The following KHDRBS2 variants were observed in gnomAD, a reference collection of about 807,000 sequenced individuals.
KHDRBS2 encodes the protein KH RNA binding domain containing, signal transduction associated 2, also known as KH domain-containing, RNA-binding, signal transduction-associated protein 2.
KHDRBS2 carries 26 observed loss-of-function variants against 44.3 expected under a neutral mutation model. The observed-to-expected ratio is 0.59, with a 90% CI of 0.43 to 0.81. The LOEUF (loss-of-function observed/expected upper bound fraction) is 0.81, where lower values mean the gene tolerates loss of function less well. KHDRBS2 is among the 40% of genes least tolerant of loss of function. The pLI is 0.00. For synonymous variants in KHDRBS2, 194 were observed against 151.1 expected (o/e 1.28, Z -2.08); for missense variants, 476 against 433.1 (o/e 1.10, Z -0.88).
At chr6:62,109,306 T>G (rs1036195063) in intron 2 of KHDRBS2, among the ~76,000 whole-genome samples, 3 of 151,968 alleles carry the variant, frequency 2.0e-5, no homozygotes, top group Non-Finnish European at 4.4e-5. Context: ...TCCTAATTTT[T>G]AAAAAAAGTA....
chr6:61,861,295 T>C (rs1796929514), intron 6 of KHDRBS2, among the ~76,000 whole-genome samples: 1 of 152,164 alleles, frequency 6.6e-6, no homozygotes, highest in African/African-American at 2.4e-5. Context: ...TGCCTGTGCC[T>C]GTGTCCTGAA....
chr6:61,653,839 T>C, the KHDRBS2 span, among the ~76,000 whole-genome samples: 2 of 151,946 alleles, frequency 1.3e-5, no homozygotes, highest in African/African-American at 4.8e-5. Context: ...AGGACGGGTA[T>C]ACAGAAAAAT....
the KHDRBS2 span, among the ~76,000 whole-genome samples, chr6:61,611,965 A>G: frequency 6.6e-6 from 1 of 152,214 alleles, no homozygotes; most frequent in Non-Finnish European, 1.5e-5. Context: ...AATTTAGCAC[A>G]TCAACCATAT....
intron 4 of KHDRBS2, among the ~76,000 whole-genome samples, chr6:61,976,012 G>T (rs763356986): frequency 6.6e-6 from 1 of 152,126 alleles, no homozygotes; most frequent in Non-Finnish European, 1.5e-5. Flanking sequence ...TGTCTGAAGT[G>T]CAATGAATAA....
At chr6:62,077,755 G>T (rs1796621839) in intron 2 of KHDRBS2, among the ~76,000 whole-genome samples, 1 of 151,946 alleles carries the variant, frequency 6.6e-6, no homozygotes, top group Admixed American at 6.6e-5. Flanking sequence ...AGACAACCTT[G>T]ACACCTGTCA....
chr6:62,053,307 C>A, intron 2 of KHDRBS2, among the ~76,000 whole-genome samples: 1 of 150,654 alleles, frequency 6.6e-6, no homozygotes, highest in Non-Finnish European at 1.5e-5. Flanking sequence ...ACCTTCATAC[C>A]AAAACCAAAT....
At chr6:61,846,185 T>A (rs1415702577) in intron 6 of KHDRBS2, among the ~76,000 whole-genome samples, 1 of 152,192 alleles carries the variant, frequency 6.6e-6, no homozygotes, top group East Asian at 1.9e-4. Context: ...ACCCTTTTCT[T>A]ATACATTTCC....
At chr6:61,882,044 A>T (rs1228869964) in intron 6 of KHDRBS2, among the ~76,000 whole-genome samples, 1 of 152,094 alleles carries the variant, frequency 6.6e-6, no homozygotes, top group African/African-American at 2.4e-5. Flanking sequence ...ACTACTGCAC[A>T]AGAGGAAGAA....
chr6:61,569,334 C>A, the KHDRBS2 span, among the ~76,000 whole-genome samples: 1 of 152,150 alleles, frequency 6.6e-6, no homozygotes, highest in Non-Finnish European at 1.5e-5. Flanking sequence ...AAAAGATAGA[C>A]TCTCTTAGGG....
intron 6 of KHDRBS2, among the ~76,000 whole-genome samples, chr6:61,880,508 T>C (rs1562360015): frequency 6.6e-6 from 1 of 151,950 alleles, no homozygotes; most frequent in Non-Finnish European, 1.5e-5. Context: ...ATGAAATATA[T>C]TTGTGCTTCA....
intron 1 of KHDRBS2, among the ~76,000 whole-genome samples, chr6:62,223,483 G>C (rs1421067949): frequency 6.6e-6 from 1 of 152,166 alleles, no homozygotes; most frequent in Non-Finnish European, 1.5e-5. Context: ...CATTGTCTTG[G>C]GGATTAACAT....
rs777832400 is a variant in KHDRBS2, at chr6:61,732,746, C to T, written c.829G>A (p.Gly277Arg). ...YEEYGYDDGY[G>R]GEYDDQTYET... The stretch of plus-strand genomic sequence containing the variant: ...TAGGTCTGGTCATCATATTCACCCC[C>T]GTAGCCATCATCATAACCCTGAGAC... Residue 277 changes from glycine to arginine, a missense_variant, in exon 7 of 9, where the codon GGG becomes AGG. Coordinates refer to ENST00000281156, the MANE Select transcript of KHDRBS2 (RefSeq NM_152688.4). The T allele has an allele frequency of 5.2e-5, 83 of 1,607,396 alleles. 1 individual carries two copies. The highest frequency in any genetic ancestry group is 1.1e-4 in the East Asian group (5 of 44,792).
chr6:62,100,923 A>G (rs1233517300), intron 2 of KHDRBS2, among the ~76,000 whole-genome samples: 1 of 152,190 alleles, frequency 6.6e-6, no homozygotes, highest in Non-Finnish European at 1.5e-5. Flanking sequence ...TATTACAGCT[A>G]TAGATTTTTA....
chr6:62,143,634 G>A (rs1226009698), intron 2 of KHDRBS2, among the ~76,000 whole-genome samples: 2 of 151,760 alleles, frequency 1.3e-5, no homozygotes, highest in Non-Finnish European at 2.9e-5. Flanking sequence ...TCTATAGGAC[G>A]TGATTTTGCA....
chr6:62,169,834 C>A (rs1390305712), intron 2 of KHDRBS2, among the ~76,000 whole-genome samples: 1 of 151,936 alleles, frequency 6.6e-6, no homozygotes, highest in Non-Finnish European at 1.5e-5. Context: ...AGACTAGCAC[C>A]AGTGCCACAG....
chr6:61,564,452 C>T, the KHDRBS2 span, among the ~76,000 whole-genome samples: 32,205 of 151,988 alleles, frequency 0.21, 3,676 homozygotes, highest in East Asian at 0.29. Flanking sequence ...ATAATAGCTT[C>T]CCTTTTGCTT....
intron 3 of KHDRBS2, among the ~76,000 whole-genome samples, chr6:62,011,419 A>C (rs1018703676): frequency 6.6e-6 from 1 of 152,236 alleles, no homozygotes; most frequent in African/African-American, 2.4e-5. Context: ...TTCACATTAC[A>C]ATGAATGAAA....
intron 6 of KHDRBS2, among the ~76,000 whole-genome samples, chr6:61,871,083 C>A (rs957442367): frequency 5.9e-5 from 9 of 152,046 alleles, no homozygotes; most frequent in Admixed American, 3.3e-4. Flanking sequence ...CATGTTCTAA[C>A]CCAATGCAAG....
intron 6 of KHDRBS2, among the ~76,000 whole-genome samples, chr6:61,760,634 G>C (rs1204677307): frequency 6.7e-6 from 1 of 149,900 alleles, no homozygotes; most frequent in African/African-American, 2.5e-5. Flanking sequence ...CCTGTCTCAA[G>C]CAGAAAAAAG....
Sources: allele counts gnomAD v4.1 joint callset (sites outside exome capture counted in the v4.1 genomes callset), GRCh38; gene constraint gnomAD v4.1.1; transcripts MANE v1.5; gene names NCBI Gene and HGNC (gene_info 2026-07-23, HGNC 2026-07-21).